MACROD2: variants seen among roughly 807,000 people sequenced by gnomAD.
MACROD2 encodes the protein mono-ADP ribosylhydrolase 2, also known as ADP-ribose glycohydrolase MACROD2.
MACROD2 carries 36 observed loss-of-function variants against 70.4 expected under a neutral mutation model. The ratio of observed to expected loss-of-function variants is 0.51; its 90% CI spans 0.39 to 0.68. MACROD2 has a LOEUF of 0.68. Ranked by LOEUF, MACROD2 falls within the 30% of genes least tolerant of loss-of-function variation. MACROD2 has a pLI of 0.00. For missense variants in MACROD2, 496 were observed against 538.4 expected, an observed-to-expected ratio of 0.92 and a Z score of 0.78; for synonymous variants, 172 against 178.8, an observed-to-expected ratio of 0.96 and a Z score of 0.30.
intron 5 of MACROD2, among the ~76,000 whole-genome samples, chr20:15,056,593 A>T (rs557448291): frequency 6.6e-6 from 1 of 152,164 alleles, no homozygotes; most frequent in South Asian, 2.1e-4. Flanking sequence ...TCAACAGTAA[A>T]TAACTTTAAC....
intron 4 of MACROD2, among the ~76,000 whole-genome samples, chr20:14,645,885 G>A (rs1293180840): frequency 6.6e-6 from 1 of 151,776 alleles, no homozygotes; most frequent in Non-Finnish European, 1.5e-5. Context: ...TCCATTTACA[G>A]AAACCAAATG....
intron 8 of MACROD2, among the ~76,000 whole-genome samples, chr20:15,551,742 C>A (rs982251181): frequency 2.6e-5 from 4 of 151,826 alleles, no homozygotes; most frequent in African/African-American, 9.7e-5. Flanking sequence ...ATGGTGTGGG[C>A]CTGTGGTCCC....
chr20:14,196,043 C>G (rs374447155), intron 3 of MACROD2, among the ~76,000 whole-genome samples: 5 of 152,162 alleles, frequency 3.3e-5, no homozygotes, highest in African/African-American at 7.2e-5. Context: ...ACATTCACCC[C>G]TAGACACTGC....
chr20:14,679,402 C>A (rs577947563), intron 4 of MACROD2, among the ~76,000 whole-genome samples: 12 of 152,160 alleles, frequency 7.9e-5, no homozygotes, highest in African/African-American at 2.9e-4. Flanking sequence ...GTGGCCAAAT[C>A]AGAGGATGTG....
intron 8 of MACROD2, among the ~76,000 whole-genome samples, chr20:15,760,576 G>A (rs915704871): frequency 3.9e-5 from 6 of 152,180 alleles, no homozygotes; most frequent in East Asian, 1.9e-4. Flanking sequence ...TTCCCACTGC[G>A]GAATAGGTCA....
intron 5 of MACROD2, among the ~76,000 whole-genome samples, chr20:14,834,921 G>A (rs1327881800): frequency 1.3e-5 from 2 of 151,704 alleles, no homozygotes; most frequent in Non-Finnish European, 2.9e-5. Flanking sequence ...TATAATATGT[G>A]TGTATATTTA....
At chr20:14,539,907 C>T (rs1487931959) in intron 4 of MACROD2, among the ~76,000 whole-genome samples, 3 of 152,138 alleles carry the variant, frequency 2.0e-5, no homozygotes, top group Non-Finnish European at 4.4e-5. Context: ...GTAATGGCAG[C>T]TGTGGCCCGT....
At position 15,350,543 on chromosome 20, in the gene MACROD2, G is replaced by T. The variant is rs1445255710; in HGVS notation, c.541-80862G>T. 2.0e-5 allele frequency among the ~76,000 whole-genome samples: 3 copies of T among 152,176 alleles called. No homozygotes were observed. In the East Asian group the frequency reaches 5.8e-4, roughly 29 times the overall value. ...TTCGTGTTTACTCAGATAGGGAATT[G>T]AAAGTTCTTGATGTCATATGGGATC... On this transcript the variant is annotated intron_variant, in intron 6 of 17. Transcript: ENST00000684519.
At chr20:15,643,604 G>C (rs2049495716) in intron 8 of MACROD2, among the ~76,000 whole-genome samples, 2 of 152,160 alleles carry the variant, frequency 1.3e-5, no homozygotes, top group African/African-American at 2.4e-5. Flanking sequence ...TCAATGCCAA[G>C]GAGAAGGTTT....
chr20:14,750,263 A>G (rs1600623778), intron 5 of MACROD2, among the ~76,000 whole-genome samples: 1 of 152,122 alleles, frequency 6.6e-6, no homozygotes, highest in East Asian at 1.9e-4. Flanking sequence ...ATTTAGAAAC[A>G]CTATAAAATT....
chr20:14,458,371 A>G (rs1400677052), intron 3 of MACROD2, among the ~76,000 whole-genome samples: 1 of 152,156 alleles, frequency 6.6e-6, no homozygotes, highest in Non-Finnish European at 1.5e-5. Flanking sequence ...ATACTTTTTA[A>G]TGAGATGAGG....
At position 16,051,076 on chromosome 20, in the gene MACROD2, C is replaced by T. The variant is rs2067452138; in HGVS notation, c.*1200C>T. 6.6e-6 allele frequency: 1 copy of T among 152,182 alleles called. No individual in the cohort carries two copies. The highest frequency in any genetic ancestry group is 1.5e-5 in the Non-Finnish European group (1 of 68,054). The allele number at this position is 152,182 out of a possible 1,614,324, so 9.4% of individuals were successfully genotyped here. On this transcript the variant is annotated 3_prime_UTR_variant, in exon 18 of 18. Coordinates refer to ENST00000684519, the MANE Select transcript of MACROD2 (RefSeq NM_001351661.2). ...GGATGGCGACCATGAGGATGCCAGG[C>T]ATCATCACCAATATCTATCCTAGAG...
intron 6 of MACROD2, among the ~76,000 whole-genome samples, chr20:15,278,310 C>G (rs575680556): frequency 1.3e-5 from 2 of 152,272 alleles, no homozygotes; most frequent in East Asian, 3.9e-4. Context: ...AATGACACAC[C>G]TAACCCAACT....
chr20:15,020,913 G>C (rs558275090), intron 5 of MACROD2, among the ~76,000 whole-genome samples: 22 of 150,430 alleles, frequency 1.5e-4, no homozygotes, highest in Admixed American at 2.0e-4. Flanking sequence ...AAAACTATAG[G>C]AGACTATATA....
intron 5 of MACROD2, among the ~76,000 whole-genome samples, chr20:14,804,198 AT>A (rs1259208914): frequency 6.6e-6 from 1 of 151,852 alleles, no homozygotes; most frequent in Non-Finnish European, 1.5e-5. Context: ...TGCCAAATTT[AT>A]TTTTAATTTT....
intron 5 of MACROD2, among the ~76,000 whole-genome samples, chr20:15,002,987 T>A (rs1024662209): frequency 2.4e-4 from 37 of 152,198 alleles, no homozygotes; most frequent in African/African-American, 8.9e-4. Flanking sequence ...ACTTCCTAAT[T>A]GGATTAATTT....
chr20:14,736,648 A>G (rs2071668495), intron 5 of MACROD2, among the ~76,000 whole-genome samples: 1 of 152,146 alleles, frequency 6.6e-6, no homozygotes, highest in African/African-American at 2.4e-5. Context: ...GTGCTATTCT[A>G]AGAGTTTTGC....
At chr20:14,960,269 G>T (rs2074571923) in intron 5 of MACROD2, among the ~76,000 whole-genome samples, 1 of 152,092 alleles carries the variant, frequency 6.6e-6, no homozygotes, top group African/African-American at 2.4e-5. Flanking sequence ...AGCACATGTT[G>T]AAATGAGCAT....
At chr20:14,481,528 A>G (rs550869221) in intron 3 of MACROD2, among the ~76,000 whole-genome samples, 1 of 152,194 alleles carries the variant, frequency 6.6e-6, no homozygotes, top group Admixed American at 6.5e-5. Flanking sequence ...TGTAAATGCT[A>G]TTTTTTCTGG....
Sources: allele counts gnomAD v4.1 joint callset (sites outside exome capture counted in the v4.1 genomes callset), GRCh38; gene constraint gnomAD v4.1.1; transcripts MANE v1.5; gene names NCBI Gene and HGNC (gene_info 2026-07-23, HGNC 2026-07-21).